MAGI1: variants seen among roughly 807,000 people sequenced by gnomAD.
MAGI1 encodes membrane-associated guanylate kinase, WW and PDZ domain-containing protein 1.
A neutral mutation model predicts 139.9 loss-of-function variants in MAGI1; 58 were observed. That is an observed-to-expected ratio of 0.41 (90% confidence interval 0.34 to 0.52). The LOEUF is 0.52. MAGI1 is among the 20% of genes least tolerant of loss of function. The pLI, the probability that MAGI1 is intolerant of heterozygous loss-of-function variation, is 0.12. For missense variants in MAGI1, 1,874 were observed against 1,901.6 expected (o/e 0.99, Z 0.27); for synonymous variants, 812 against 737.9 (o/e 1.10, Z -1.63).
intron 1 of MAGI1, among the ~76,000 whole-genome samples, chr3:65,878,244 C>T (rs1036606884): frequency 2.0e-5 from 3 of 152,196 alleles, no homozygotes; most frequent in East Asian, 1.9e-4. Context: ...TGGCCGGGCA[C>T]GGTGGCTCAC....
At chr3:65,425,797 C>T (rs1227980775) in intron 12 of MAGI1, among the ~76,000 whole-genome samples, 1 of 152,008 alleles carries the variant, frequency 6.6e-6, no homozygotes, top group Non-Finnish European at 1.5e-5. Context: ...TGCCGAATAT[C>T]CAAAATATTT....
chr3:66,001,904 C>A (rs1343044799), intron 1 of MAGI1, among the ~76,000 whole-genome samples: 4 of 152,168 alleles, frequency 2.6e-5, no homozygotes, highest in Admixed American at 1.3e-4. Context: ...CAAAAGTGAT[C>A]CTATATGATC....
chr3:65,963,955 C>T (rs915880528), intron 1 of MAGI1, among the ~76,000 whole-genome samples: 3 of 152,202 alleles, frequency 2.0e-5, no homozygotes, highest in African/African-American at 7.2e-5. Flanking sequence ...GACCACAAGG[C>T]TGGGAAATGA....
chr3:65,430,371 T>C (rs566180721), intron 11 of MAGI1, among the ~76,000 whole-genome samples: 1 of 152,162 alleles, frequency 6.6e-6, no homozygotes, highest in Admixed American at 6.5e-5. Context: ...ACATTGGAGC[T>C]TTCTCCTAAA....
At chr3:65,863,117 C>T (rs2108450315) in intron 1 of MAGI1, among the ~76,000 whole-genome samples, 1 of 152,164 alleles carries the variant, frequency 6.6e-6, no homozygotes, top group East Asian at 1.9e-4. Context: ...TCTCAGAGTT[C>T]CTTCTATCAG....
At chr3:65,791,554 G>T (rs978436594) in intron 1 of MAGI1, among the ~76,000 whole-genome samples, 1 of 152,116 alleles carries the variant, frequency 6.6e-6, no homozygotes, top group East Asian at 1.9e-4. Flanking sequence ...AAAAGAGAAA[G>T]GGAGGGAGGA....
intron 1 of MAGI1, among the ~76,000 whole-genome samples, chr3:65,802,921 G>A (rs1181075226): frequency 6.7e-6 from 1 of 148,926 alleles, no homozygotes; most frequent in Non-Finnish European, 1.5e-5. Flanking sequence ...CATCTATGGT[G>A]AAAAACACAA....
chr3:65,780,263 A>T (rs1228885135), intron 1 of MAGI1, among the ~76,000 whole-genome samples: 1 of 152,096 alleles, frequency 6.6e-6, no homozygotes, highest in Non-Finnish European at 1.5e-5. Flanking sequence ...GGCTCAAGTG[A>T]TCCCCCCGCT....
At chr3:65,655,437 AC>A (rs1226296938) in intron 1 of MAGI1, among the ~76,000 whole-genome samples, 1 of 152,174 alleles carries the variant, frequency 6.6e-6, no homozygotes, top group East Asian at 1.9e-4. Context: ...CTCCAGCAAA[AC>A]ACAGATGACA....
intron 8 of MAGI1, among the ~76,000 whole-genome samples, chr3:65,441,075 C>T (rs7643049): frequency 0.022 from 3,313 of 152,072 alleles, 141 homozygotes; most frequent in African/African-American, 0.076. Context: ...ATTCTCCTGC[C>T]TCAGCCTCCT....
chr3:65,826,308 T>C (rs2042226652), intron 1 of MAGI1, among the ~76,000 whole-genome samples: 1 of 152,214 alleles, frequency 6.6e-6, no homozygotes, highest in Non-Finnish European at 1.5e-5. Context: ...TCAATATTAT[T>C]ATACTGGCAT....
rs1433838854 is a variant in MAGI1, at chr3:65,469,064, G to C, written c.959+1219C>G. 2.6e-5 allele frequency among the ~76,000 whole-genome samples: 4 copies of C among 152,028 alleles called. No homozygotes were observed. The South Asian group carries it at 8.3e-4, about 32-fold the overall frequency. On this transcript the variant is annotated intron_variant, in intron 5 of 22. Coordinates refer to ENST00000402939, the MANE Select transcript of MAGI1 (RefSeq NM_001033057.2). ...AATGAAAAATGTGGTTAGAAAGTAA[G>C]TTATTTACTTAACTCAAACCCAACT...
At chr3:65,820,242 A>C (rs1461099927) in intron 1 of MAGI1, among the ~76,000 whole-genome samples, 1 of 152,168 alleles carries the variant, frequency 6.6e-6, no homozygotes, top group African/African-American at 2.4e-5. Flanking sequence ...CTTGCACTGC[A>C]TAGAATTTAC....
intron 10 of MAGI1, among the ~76,000 whole-genome samples, chr3:65,433,094 C>G (rs1461724040): frequency 6.6e-6 from 1 of 152,058 alleles, no homozygotes; most frequent in Non-Finnish European, 1.5e-5. Context: ...AATGTTAGCT[C>G]CATGAGGATT....
intron 1 of MAGI1, among the ~76,000 whole-genome samples, chr3:65,940,967 C>T (rs1325581621): frequency 6.6e-6 from 1 of 152,180 alleles, no homozygotes; most frequent in Non-Finnish European, 1.5e-5. Flanking sequence ...CCCTCCCCTG[C>T]TTCCACCCTC....
intron 13 of MAGI1, among the ~76,000 whole-genome samples, chr3:65,398,646 G>A (rs1944602189): frequency 6.6e-6 from 1 of 152,180 alleles, no homozygotes; most frequent in South Asian, 2.1e-4. Context: ...TTTAGACTGA[G>A]AGTCTCAGTG....
chr3:65,455,530 G>C (rs905049556), intron 5 of MAGI1, among the ~76,000 whole-genome samples: 2 of 152,094 alleles, frequency 1.3e-5, no homozygotes, highest in African/African-American at 4.8e-5. Flanking sequence ...GGACAATGTG[G>C]TGAAATGCCA....
At chr3:65,530,752 TACACGTATATATATATATATAC>T (rs1322307448) in intron 2 of MAGI1, among the ~76,000 whole-genome samples, 1 of 53,192 alleles carries the variant, frequency 1.9e-5, no homozygotes, top group African/African-American at 6.8e-5. Flanking sequence ...CACATATATA[TACACGTATATATATATATATAC>T]ACACATATAT....
chr3:65,433,706 T>C (rs1354142458), intron 10 of MAGI1, among the ~76,000 whole-genome samples: 1 of 152,066 alleles, frequency 6.6e-6, no homozygotes, highest in African/African-American at 2.4e-5. Flanking sequence ...CTTCCTTCCT[T>C]AGACTCACTG....
Sources: gnomAD v4.1 joint callset for allele counts (sites outside exome capture counted in the v4.1 genomes callset) on GRCh38, gnomAD v4.1.1 for gene constraint, MANE v1.5 for transcripts, NCBI Gene and HGNC (gene_info 2026-07-23, HGNC 2026-07-21) for gene names.